The following KCNQ5 variants were observed in gnomAD, a reference collection of about 807,000 sequenced individuals.
The protein encoded by KCNQ5 is potassium voltage-gated channel subfamily Q member 5, also known as potassium voltage-gated channel subfamily KQT member 5.
Under a neutral mutation model 98.2 loss-of-function variants are expected in KCNQ5, and 30 were observed. That is an observed-to-expected ratio of 0.31 (90% confidence interval 0.23 to 0.41). The LOEUF is 0.41. Ranked by LOEUF, KCNQ5 falls within the 10% of genes least tolerant of loss-of-function variation. KCNQ5 has a pLI of 1.00. For synonymous variants in KCNQ5, 458 were observed against 449.4 expected (o/e 1.02, Z -0.24); for missense variants, 835 against 1,182.5 (o/e 0.71, Z 4.31).
chr6:73,086,442 T>C (rs1773991264), intron 5 of KCNQ5, among the ~76,000 whole-genome samples: 1 of 152,144 alleles, frequency 6.6e-6, no homozygotes, highest in East Asian at 1.9e-4. Flanking sequence ...TTGGGTACTT[T>C]ACCCCATCAG....
At chr6:72,751,081 A>G (rs1771655473) in intron 1 of KCNQ5, among the ~76,000 whole-genome samples, 1 of 152,218 alleles carries the variant, frequency 6.6e-6, no homozygotes, top group South Asian at 2.1e-4. Context: ...AGAAAAATCT[A>G]TCCAAAACTA....
chr6:72,899,644 G>T (rs190138081), intron 1 of KCNQ5, among the ~76,000 whole-genome samples: 8 of 151,922 alleles, frequency 5.3e-5, no homozygotes, highest in Non-Finnish European at 1.2e-4. Context: ...TGACGTTTTC[G>T]TCTTTTCTTT....
At chr6:73,070,236 G>T (rs184617115) in intron 3 of KCNQ5, among the ~76,000 whole-genome samples, 1 of 151,976 alleles carries the variant, frequency 6.6e-6, no homozygotes, top group African/African-American at 2.4e-5. Context: ...TGTGTCACAC[G>T]AATATAGGAA....
At chr6:73,157,869 T>C (rs1190116908) in intron 10 of KCNQ5, 4 of 778,670 alleles carry the variant, frequency 5.1e-6, no homozygotes, top group Non-Finnish European at 9.6e-6. Flanking sequence ...TTTCGGGATC[T>C]AAGCGAATAT....
At position 73,196,460 on chromosome 6, in the gene KCNQ5, C is replaced by T. The variant is rs984616793; in HGVS notation, c.*1046C>T. 15 of 152,100 alleles carry T rather than the reference C, an allele frequency of 9.9e-5. No homozygotes were observed. The highest frequency in any genetic ancestry group is 3.6e-4 in the African/African-American group (15 of 41,408). 9.4% of individuals were successfully genotyped at this position (152,100 alleles called of 1,614,324 possible). A position where few individuals can be genotyped will look rare whatever the true frequency, so the allele number is the denominator to read the frequency against. ...CAAAGGGCAATGAGAGGGAGAGAAA[C>T]AAACCAAAATAGAAGAACTAGACTT... On this transcript the variant is annotated 3_prime_UTR_variant, in exon 14 of 14. Transcript: ENST00000370398.
At position 72,945,525 on chromosome 6, in the gene KCNQ5, G is replaced by GTGGTGCAAACTTAC. The variant is rs1766502349; in HGVS notation, c.399-58383_399-58382insTGGTGCAAACTTAC. 6.0e-5 allele frequency among the ~76,000 whole-genome samples: 9 copies of GTGGTGCAAACTTAC among 150,858 alleles called. No individual in the cohort carries two copies. In the South Asian group the frequency reaches 1.9e-3, roughly 32 times the overall value. ...GCTGGAGTGCAGTGGTGCAATCTTG[G>GTGGTGCAAACTTAC]CTCACTGCAACCTCTGTCTCCTGGG... On this transcript the variant is annotated intron_variant, in intron 1 of 13. Coordinates refer to ENST00000370398, the MANE Select transcript of KCNQ5 (RefSeq NM_019842.4).
At chr6:72,734,803 A>G (rs1405216599) in intron 1 of KCNQ5, among the ~76,000 whole-genome samples, 2 of 152,334 alleles carry the variant, frequency 1.3e-5, no homozygotes, top group East Asian at 3.9e-4. Flanking sequence ...AAGATTACCC[A>G]GTTTAGGCCC....
chr6:72,625,951 T>C (rs1438352762), intron 1 of KCNQ5, among the ~76,000 whole-genome samples: 1 of 152,212 alleles, frequency 6.6e-6, no homozygotes, highest in African/African-American at 2.4e-5. Context: ...TCTAACATCA[T>C]AGTATTGTTC....
chr6:72,625,122 A>G (rs1273580992), intron 1 of KCNQ5, among the ~76,000 whole-genome samples: 1 of 152,224 alleles, frequency 6.6e-6, no homozygotes, highest in African/African-American at 2.4e-5. Flanking sequence ...TACTTGGTCA[A>G]CCAGTGTTTT....
intron 3 of KCNQ5, among the ~76,000 whole-genome samples, chr6:73,053,976 G>T (rs555807761): frequency 2.2e-4 from 33 of 152,008 alleles, no homozygotes; most frequent in Middle Eastern, 3.4e-3. Flanking sequence ...AAAAAAGAGA[G>T]ATCAAAATAA....
chr6:72,927,215 TAA>T (rs1371457590), intron 1 of KCNQ5, among the ~76,000 whole-genome samples: 2 of 152,182 alleles, frequency 1.3e-5, no homozygotes, highest in Non-Finnish European at 2.9e-5. Flanking sequence ...GTGGAAATGC[TAA>T]AAGTTTTACA....
chr6:73,018,229 C>T lies in KCNQ5; in HGVS notation c.489+14231C>T, dbSNP rs1265404739. 2.6e-5 allele frequency among the ~76,000 whole-genome samples: 4 copies of T among 152,128 alleles called. No homozygotes were observed. The East Asian group carries it at 7.7e-4, about 29-fold the overall frequency. On this transcript the variant is annotated intron_variant, in intron 2 of 13. Transcript: ENST00000370398. ...TGCCTGTCAGTTAGCCCATCTGTTT[C>T]TCTTCCATAGGCTCCTTTCTGAGTC...
intron 1 of KCNQ5, among the ~76,000 whole-genome samples, chr6:72,771,703 AC>A (rs1390120841): frequency 6.7e-6 from 1 of 148,254 alleles, no homozygotes; most frequent in African/African-American, 2.5e-5. Context: ...CATGTTCTAT[AC>A]CTTAAATATA....
intron 1 of KCNQ5, among the ~76,000 whole-genome samples, chr6:72,832,691 T>G (rs1008980685): frequency 2.0e-5 from 3 of 152,204 alleles, no homozygotes; most frequent in Non-Finnish European, 4.4e-5. Context: ...GGGTCTCTAA[T>G]TCTTCCTGCA....
chr6:72,955,790 C>A (rs1767013210), intron 1 of KCNQ5, among the ~76,000 whole-genome samples: 1 of 152,074 alleles, frequency 6.6e-6, no homozygotes. Flanking sequence ...AACAATAATT[C>A]TTGCCTGTAG....
At chr6:73,012,210 C>T (rs555376411) in intron 2 of KCNQ5, among the ~76,000 whole-genome samples, 5 of 152,088 alleles carry the variant, frequency 3.3e-5, no homozygotes, top group Admixed American at 6.6e-5. Flanking sequence ...AATGTGGAAA[C>T]GACCCAAGTG....
chr6:72,628,897 G>A (rs1170360676), intron 1 of KCNQ5, among the ~76,000 whole-genome samples: 1 of 152,112 alleles, frequency 6.6e-6, no homozygotes, highest in Non-Finnish European at 1.5e-5. Flanking sequence ...ACAGGCATGA[G>A]CCACCACACC....
In KCNQ5 at chr6:73,076,613, A is replaced by AC. The variant is rs111437066; in HGVS notation, c.617-708dup. Among the ~76,000 whole-genome samples the AC allele has an allele frequency of 4.6e-5, 7 of 152,268 alleles. 1 individual carries two copies. The highest frequency in any genetic ancestry group is 1.4e-4 in the African/African-American group (6 of 41,550). On this transcript the variant is annotated intron_variant, in intron 3 of 13. Transcript: ENST00000370398. Reference sequence around the variant, plus strand: ...TTAAGTATTCATTCCCTTGCAATGCACAGTGTTTATACTTACATACCCTAT... The same window carrying AC: ...TTAAGTATTCATTCCCTTGCAATGCACCAGTGTTTATACTTACATACCCTAT...
intron 1 of KCNQ5, among the ~76,000 whole-genome samples, chr6:72,828,229 T>TA (rs1776086098): frequency 6.6e-6 from 1 of 152,064 alleles, no homozygotes; most frequent in Non-Finnish European, 1.5e-5. Flanking sequence ...TGTGGCTCTA[T>TA]TCAAATTGTA....
Sources: gnomAD v4.1 joint callset for allele counts (sites outside exome capture counted in the v4.1 genomes callset) on GRCh38, gnomAD v4.1.1 for gene constraint, MANE v1.5 for transcripts, NCBI Gene and HGNC (gene_info 2026-07-23, HGNC 2026-07-21) for gene names.